CREB5: variants seen among roughly 807,000 people sequenced by gnomAD.
CREB5 encodes the protein cAMP responsive element binding protein 5.
Under a neutral mutation model 57.1 loss-of-function variants are expected in CREB5, and 19 were observed. That is an observed-to-expected ratio of 0.33 (90% CI 0.23 to 0.49). The LOEUF is 0.49. Among genes scored for constraint, CREB5 ranks in the 20% least tolerant of loss-of-function variants. The probability of loss-of-function intolerance (pLI) is 0.99; values close to 1 mark genes in which losing one functional copy is unlikely to be tolerated. For synonymous variants in CREB5, 238 were observed against 238.3 expected (o/e 1.00, Z 0.01); for missense variants, 579 against 671.6 (o/e 0.86, Z 1.52).
At chr7:28,560,855 T>TGCGTGTGTGTGCGTGC (rs1554344299) in intron 4 of CREB5, among the ~76,000 whole-genome samples, 10 of 56,428 alleles carry the variant, frequency 1.8e-4, no homozygotes, top group African/African-American at 2.8e-4. Flanking sequence ...CGCGTGTGTG[T>TGCGTGTGTGTGCGTGC]GTGCGTGTGC....
intron 7 of CREB5, among the ~76,000 whole-genome samples, chr7:28,785,206 C>G (rs947055672): frequency 3.3e-5 from 5 of 152,128 alleles, no homozygotes; most frequent in Admixed American, 6.6e-5. Flanking sequence ...GGTGTGGAGA[C>G]CTCCCAGGGT....
At chr7:28,633,180 A>G (rs1798269986) in intron 5 of CREB5, among the ~76,000 whole-genome samples, 2 of 152,238 alleles carry the variant, frequency 1.3e-5, no homozygotes, top group Admixed American at 1.3e-4. Flanking sequence ...AAGGTCACAC[A>G]GTAATAAATG....
chr7:28,326,281 T>A (rs1279750281), intron 1 of CREB5, among the ~76,000 whole-genome samples: 2 of 152,296 alleles, frequency 1.3e-5, no homozygotes, highest in East Asian at 3.9e-4. Context: ...CATACTTTTT[T>A]AAACCAACCT....
chr7:28,391,570 T>A (rs1222113260), intron 1 of CREB5, among the ~76,000 whole-genome samples: 1 of 152,176 alleles, frequency 6.6e-6, no homozygotes, highest in African/African-American at 2.4e-5. Context: ...CCACAAACTT[T>A]GCTGTGATAT....
chr7:28,470,962 A>G (rs936960529), intron 1 of CREB5, among the ~76,000 whole-genome samples: 4 of 152,098 alleles, frequency 2.6e-5, no homozygotes, highest in Non-Finnish European at 5.9e-5. Flanking sequence ...AGCAGCTTCT[A>G]TATTCTGGTT....
At chr7:28,542,277 G>A (rs183914752) in intron 4 of CREB5, among the ~76,000 whole-genome samples, 265 of 152,320 alleles carry the variant, frequency 1.7e-3, no homozygotes, top group African/African-American at 6.2e-3. Context: ...TTCCAAGCCA[G>A]ACGGAATCCA....
At chr7:28,556,973 C>T (rs1378064323) in intron 4 of CREB5, among the ~76,000 whole-genome samples, 1 of 152,254 alleles carries the variant, frequency 6.6e-6, no homozygotes, top group Admixed American at 6.5e-5. Context: ...CCCCAGCTTC[C>T]TCTCTCCTGA....
intron 5 of CREB5, among the ~76,000 whole-genome samples, chr7:28,701,023 C>G (rs955416209): frequency 2.0e-5 from 3 of 151,368 alleles, no homozygotes; most frequent in East Asian, 1.9e-4. Context: ...TATGTGGAGA[C>G]CCATATAAGG....
rs1802217026 is a variant in CREB5, at chr7:28,708,153, A to T, written c.465-10600A>T. On this transcript the variant is annotated intron_variant, in intron 5 of 10. Coordinates refer to ENST00000357727, the MANE Select transcript of CREB5 (RefSeq NM_182898.4). The stretch of plus-strand genomic sequence containing the variant: ...ATATAACCCAGTGAAGAGTTTGCTC[A>T]GCCTTGTTAGGCAATGCCCCTTTCC... 1.4e-4 allele frequency among the ~76,000 whole-genome samples: 22 copies of T among 152,358 alleles called. No individual in the cohort carries two copies. In the South Asian group the frequency reaches 4.4e-3, roughly 30 times the overall value.
intron 5 of CREB5, among the ~76,000 whole-genome samples, chr7:28,626,534 G>A (rs1033990522): frequency 2.0e-5 from 3 of 152,092 alleles, no homozygotes; most frequent in Admixed American, 2.0e-4. Context: ...GCTGTTTCTG[G>A]GATTCAAACC....
intron 1 of CREB5, among the ~76,000 whole-genome samples, chr7:28,415,303 A>C (rs1211830165): frequency 6.6e-6 from 1 of 151,784 alleles, no homozygotes; most frequent in Non-Finnish European, 1.5e-5. Context: ...TACAGAAGAG[A>C]CCCCTGGCTC....
intron 1 of CREB5, among the ~76,000 whole-genome samples, chr7:28,424,637 G>T (rs1788421888): frequency 6.6e-6 from 1 of 152,230 alleles, no homozygotes; most frequent in Admixed American, 6.5e-5. Context: ...ATTTGTAAAA[G>T]AGCAACGCTG....
chr7:28,655,515 G>A (rs1799301120), intron 5 of CREB5, among the ~76,000 whole-genome samples: 1 of 152,028 alleles, frequency 6.6e-6, no homozygotes, highest in African/African-American at 2.4e-5. Flanking sequence ...GGAAGCTGAG[G>A]AGAGAGAGAG....
intron 7 of CREB5, among the ~76,000 whole-genome samples, chr7:28,761,056 C>T (rs190562346): frequency 2.0e-5 from 3 of 152,248 alleles, no homozygotes; most frequent in Admixed American, 2.0e-4. Context: ...CTCCGGCTAT[C>T]CACACATTTA....
intron 1 of CREB5, among the ~76,000 whole-genome samples, chr7:28,380,801 G>A (rs17156649): frequency 0.12 from 18,537 of 152,124 alleles, 3,180 homozygotes; most frequent in African/African-American, 0.38. Flanking sequence ...GACCTAATGT[G>A]TAAACATTTT....
At position 28,395,781 on chromosome 7, in the gene CREB5, T is replaced by TTTTC. The variant is rs529778395; in HGVS notation, c.-25+96360_-25+96363dup. Among the ~76,000 whole-genome samples, 345 of 152,216 alleles carry TTTTC rather than the reference T, an allele frequency of 2.3e-3. 2 individuals are homozygous for TTTTC. Among genetic ancestry groups the TTTTC allele is most frequent in the African/African-American group, 7.7e-3 (321 of 41,516 alleles). On this transcript the variant is annotated intron_variant, in intron 1 of 9. Transcript: ENST00000396299. ...TACAAACTAGGGCAAGGAGTTTCTTTTTTCTTTCTTTCTTTCTTTCTTTTT... is the reference window on the plus strand; with the variant it reads ...TACAAACTAGGGCAAGGAGTTTCTTTTTTCTTTCTTTCTTTCTTTCTTTCTTTTT...
intron 9 of CREB5, 44 bp downstream of exon 9, chr7:28,809,458 C>A: frequency 6.6e-7 from 1 of 1,523,956 alleles, no homozygotes; most frequent in Non-Finnish European, 8.9e-7. Flanking sequence ...AGGCCCTCTG[C>A]TCCACGGGCA....
chr7:28,353,846 A>AAAG (rs1323177958), intron 1 of CREB5, among the ~76,000 whole-genome samples: 3 of 151,782 alleles, frequency 2.0e-5, no homozygotes, highest in Non-Finnish European at 4.4e-5. Context: ...CCATCTCAAA[A>AAAG]AAAAAAAAAT....
intron 1 of CREB5, among the ~76,000 whole-genome samples, chr7:28,420,625 G>A (rs1788206741): frequency 6.6e-6 from 1 of 151,704 alleles, no homozygotes. Flanking sequence ...TGGCCAATAT[G>A]GTGAAACCCC....
Sources: gnomAD v4.1 joint callset for allele counts (sites outside exome capture counted in the v4.1 genomes callset) on GRCh38, gnomAD v4.1.1 for gene constraint, MANE v1.5 for transcripts, NCBI Gene and HGNC (gene_info 2026-07-23, HGNC 2026-07-21) for gene names.